Variants in NRDE2 observed in about 807,000 individuals in gnomAD.
NRDE2 encodes the protein nuclear exosome regulator NRDE2.
A neutral mutation model predicts 124.2 loss-of-function variants in NRDE2; 76 were observed. The observed-to-expected ratio is 0.61, with a 90% CI of 0.51 to 0.74. The LOEUF is 0.74. NRDE2 is among the 30% of genes least tolerant of loss of function. The pLI, the probability that NRDE2 is intolerant of heterozygous loss-of-function variation, is 0.00. For synonymous variants in NRDE2, 489 were observed against 528.1 expected (o/e 0.93, Z 1.01); for missense variants, 1,314 against 1,417.3 (o/e 0.93, Z 1.17).
chr14:90,328,426 G>C (rs1885537574), intron 1 of NRDE2, among the ~76,000 whole-genome samples: 1 of 152,064 alleles, frequency 6.6e-6, no homozygotes, highest in Non-Finnish European at 1.5e-5. Context: ...CAGGAGGAAT[G>C]ATATAATTAG....
Position 90,319,627 on chromosome 14 carries a change from T to C in NRDE2, c.65-1514A>G, listed in dbSNP as rs550253289. On this transcript the variant is annotated intron_variant, in intron 1 of 13. Transcript: ENST00000354366. ...TGGTCTTTTGTAACTTACCACAATGTTTTCAAGGTTCATCCATGCTGTAGT... is the reference window on the plus strand; with the variant it reads ...TGGTCTTTTGTAACTTACCACAATGCTTTCAAGGTTCATCCATGCTGTAGT... Among the ~76,000 whole-genome samples the C allele has an allele frequency of 3.0e-4, 45 of 152,358 alleles. 1 individual carries two copies. Among genetic ancestry groups the C allele is most frequent in the African/African-American group, 9.6e-4 (40 of 41,578 alleles).
At chr14:90,293,681 T>C (rs774651699) in intron 8 of NRDE2, among the ~76,000 whole-genome samples, 32 of 152,232 alleles carry the variant, frequency 2.1e-4, no homozygotes, top group Non-Finnish European at 3.5e-4. Flanking sequence ...GTCATCCGAA[T>C]TTTTAGCCAG....
chr14:90,270,875 C>G lies in NRDE2; in HGVS notation c.*7461G>C, dbSNP rs1891643176. ...TGAATATGGGTTCTACCTGCTTTTC[C>G]TGGAAAGAGCTGGGTTTTCGTTGGG... On this transcript the variant is annotated 3_prime_UTR_variant, in exon 14 of 14. Coordinates refer to ENST00000354366, the MANE Select transcript of NRDE2 (RefSeq NM_017970.4). 6.6e-6 allele frequency: 1 copy of G among 152,260 alleles called. No individual in the cohort carries two copies. The highest frequency in any genetic ancestry group is 1.5e-5 in the Non-Finnish European group (1 of 68,100). The allele number at this position is 152,260 out of a possible 1,614,324, so 9.4% of individuals were successfully genotyped here.
chr14:90,322,226 C>G (rs964518562), intron 1 of NRDE2, among the ~76,000 whole-genome samples: 17 of 152,110 alleles, frequency 1.1e-4, no homozygotes, highest in Admixed American at 1.0e-3. Context: ...CTTATAGGGA[C>G]CAGATTAGTA....
At chr14:90,278,599 ACTTT>A in intron 13 of NRDE2, 138 bp from the exon 14 acceptor site, 2 of 1,024,248 alleles carry the variant, frequency 2.0e-6, no homozygotes, top group Non-Finnish European at 2.8e-6. Context: ...CTTGGCTGAG[ACTTT>A]CTTAACTCGG....
At position 90,269,320 on chromosome 14, in the gene NRDE2, A is replaced by G. The variant is rs770787302; in HGVS notation, c.*9016T>C. The G allele has an allele frequency of 2.2e-5, 29 of 1,293,746 alleles. No homozygotes were observed. The highest frequency in any genetic ancestry group is 2.7e-4 in the Middle Eastern group (1 of 3,660). 80.1% of individuals were successfully genotyped at this position (1,293,746 alleles called of 1,614,324 possible). ...ATGTTTGTTAAGGTGTTTTGTCACA[A>G]TGAGGTCTTTGCTGTAATTCCCCTT... On this transcript the variant is annotated 3_prime_UTR_variant, in exon 14 of 14. Transcript: ENST00000354366.
chr14:90,312,573 G>A (rs1566697625), intron 3 of NRDE2, 30 bp from the exon 4 acceptor site: 1 of 1,612,102 alleles, frequency 6.2e-7, no homozygotes, highest in East Asian at 2.2e-5. Context: ...GAAGAAGGGA[G>A]AGGCACTTTA....
At chr14:90,308,753 T>C (rs57878984) in intron 4 of NRDE2, among the ~76,000 whole-genome samples, 4,221 of 152,236 alleles carry the variant, frequency 0.028, 194 homozygotes, top group East Asian at 0.19. Flanking sequence ...AACAGAACAA[T>C]GAGTTGTTGT....
In NRDE2 at chr14:90,331,887, G is replaced by A; in HGVS notation, c.18C>T (p.Ala6=). MALFP[A]FAGLSEAPDG... ...CGGGAGCCTCACTAAGCCCCGCAAA[G>A]GCTGGGAACAGCGCCATGACCACAG... is the stretch of plus-strand genomic sequence containing the variant. The change falls in exon 1 of 14, where the codon GCC becomes GCT. Residue 6 remains alanine, a synonymous_variant. Transcript: ENST00000354366. 2 of 1,614,156 alleles carry A rather than the reference G, an allele frequency of 1.2e-6. No homozygotes were observed. Among genetic ancestry groups the A allele is most frequent in the Non-Finnish European group, 1.7e-6 (2 of 1,180,052 alleles).
chr14:90,318,612 C>G (rs1885135712), intron 1 of NRDE2, among the ~76,000 whole-genome samples: 1 of 152,000 alleles, frequency 6.6e-6, no homozygotes, highest in Non-Finnish European at 1.5e-5. Flanking sequence ...CCAGCCTGGC[C>G]AACACGGTGA....
rs1320514096 is a variant in NRDE2, at chr14:90,312,423, G to C, written c.528C>G (p.Tyr176Ter). 1.9e-6 allele frequency: 3 copies of C among 1,613,882 alleles called. No homozygotes were observed. The highest frequency in any genetic ancestry group is 2.5e-6 in the Non-Finnish European group (3 of 1,179,970). ...CTATATCCCCTCGGTAGAGAGACTT[G>C]TACTCCCAGTTCGCAGGATCTGGTT... Reference protein sequence around the residue: ...DKKPDPANWEYKSLYRGDIAR... With the variant: ...DKKPDPANWE Residue 176 changes from tyrosine (Y) to a stop codon, truncating the protein, a stop_gained, in exon 4 of 14, where the codon TAC (tyrosine) becomes TAG (stop). Transcript: ENST00000354366. LOFTEE classifies it high-confidence loss of function.
chr14:90,278,126 C>A lies in NRDE2; in HGVS notation c.*210G>T. 1 of 541,150 alleles carries A rather than the reference C, an allele frequency of 1.8e-6. No homozygotes were observed. The highest frequency in any genetic ancestry group is 3.3e-6 in the Non-Finnish European group (1 of 301,562). The allele number at this position is 541,150 out of a possible 1,614,324, so 33.5% of individuals were successfully genotyped here. Reference sequence around the variant, plus strand: ...GGCTATGTACATATATACACATATTCACATATATAATATGTAAATAACTTT... The same window carrying A: ...GGCTATGTACATATATACACATATTAACATATATAATATGTAAATAACTTT... On this transcript the variant is annotated 3_prime_UTR_variant, in exon 14 of 14. Transcript: ENST00000354366.
chr14:90,291,262 C>T (rs1892264574), intron 9 of NRDE2, among the ~76,000 whole-genome samples: 1 of 152,194 alleles, frequency 6.6e-6, no homozygotes, highest in South Asian at 2.1e-4. Context: ...CCTGGTGCTG[C>T]TTATCTGATT....
rs1891891587 is a variant in NRDE2, at chr14:90,279,346, C to T, written c.3298-213G>A. On this transcript the variant is annotated intron_variant, in intron 12 of 13. Transcript: ENST00000354366. ...TGTGTTGGGGTTGTTTCCTCCCATT[C>T]AAATGGCCCCAGAGTGTCAATCCTG... is the stretch of plus-strand genomic sequence containing the variant. The T allele has an allele frequency of 2.4e-5, 13 of 550,508 alleles. No individual in the cohort carries two copies. In the South Asian group the frequency reaches 2.6e-4, roughly 11 times the overall value. The allele number at this position is 550,508 out of a possible 1,614,324, so 34.1% of individuals were successfully genotyped here. A position where few individuals can be genotyped will look rare whatever the true frequency, so the allele number is the denominator to read the frequency against.
At chr14:90,287,479 G>A (rs1319938940) in intron 11 of NRDE2, among the ~76,000 whole-genome samples, 1 of 151,928 alleles carries the variant, frequency 6.6e-6, no homozygotes, top group Non-Finnish European at 1.5e-5. Context: ...AAAAAAATTA[G>A]CCAGGCGTGG....
intron 3 of NRDE2, among the ~76,000 whole-genome samples, chr14:90,314,216 A>G (rs1382607631): frequency 6.6e-6 from 1 of 152,178 alleles, no homozygotes; most frequent in East Asian, 1.9e-4. Flanking sequence ...TGGGGAAGTC[A>G]TTTGTCATCA....
At chr14:90,303,858 T>C in intron 5 of NRDE2, 77 bp downstream of exon 5, 3 of 1,299,454 alleles carry the variant, frequency 2.3e-6, no homozygotes, top group Non-Finnish European at 3.2e-6. Context: ...TGCTCAAAAA[T>C]TGCTGCACAG....
chr14:90,269,418 TGA>T lies in NRDE2; in HGVS notation c.*8916_*8917del, dbSNP rs750197157. The T allele has an allele frequency of 6.2e-7, 1 of 1,605,660 alleles. No individual in the cohort carries two copies. The highest frequency in any genetic ancestry group is 8.5e-7 in the Non-Finnish European group (1 of 1,177,244). Reference sequence around the variant, plus strand: ...AAAGATATGACTCCAATTCTGGTGGTGAGAGAGAAATTCAGCGAACAATGTTG... The same window carrying T: ...AAAGATATGACTCCAATTCTGGTGGTGAGAGAAATTCAGCGAACAATGTTG... On this transcript the variant is annotated 3_prime_UTR_variant, in exon 14 of 14. Transcript: ENST00000354366.
In NRDE2 at chr14:90,288,988, G is replaced by A. The variant is rs760393035; in HGVS notation, c.2387C>T (p.Thr796Met). ...YAHLEWLLGNTEDARKVFDTA... is the reference protein window; with the variant it reads ...YAHLEWLLGNMEDARKVFDTA... The stretch of plus-strand genomic sequence containing the variant: ...GTCAAAAACTTTTCTGGCATCCTCC[G>A]TGTTGCCAAGCAACCACTCCAGATG... Residue 796 changes from threonine to methionine, a missense_variant, in exon 11 of 14, where the codon ACG (threonine) becomes ATG (methionine). By Grantham distance (81) the Thr-to-Met change is moderately conservative (BLOSUM62 -1). Transcript: ENST00000354366. 1.1e-5 allele frequency: 18 copies of A among 1,613,284 alleles called. No individual in the cohort carries two copies. Among genetic ancestry groups the A allele is most frequent in the African/African-American group, 9.3e-5 (7 of 74,910 alleles).
Sources: gnomAD v4.1 joint callset for allele counts (sites outside exome capture counted in the v4.1 genomes callset) on GRCh38, gnomAD v4.1.1 for gene constraint, MANE v1.5 for transcripts, NCBI Gene and HGNC (gene_info 2026-07-23, HGNC 2026-07-21) for gene names.